The following SDK2 variants were observed in gnomAD, a reference collection of about 807,000 sequenced individuals.
SDK2 encodes the protein sidekick cell adhesion molecule 2.
SDK2 carries 105 observed loss-of-function variants against 253.9 expected under a neutral mutation model. The ratio of observed to expected loss-of-function variants is 0.41; its 90% CI spans 0.35 to 0.49. The LOEUF (loss-of-function observed/expected upper bound fraction) is 0.49, where lower values mean the gene tolerates loss of function less well. Among genes scored for constraint, SDK2 ranks in the 20% least tolerant of loss-of-function variants. The pLI is 0.06. For missense variants in SDK2, 2,608 were observed against 3,003.0 expected, an observed-to-expected ratio of 0.87 and a Z score of 3.07; for synonymous variants, 1,249 against 1,234.9, an observed-to-expected ratio of 1.01 and a Z score of -0.24.
chr17:73,398,945 G>A (rs948093533), intron 22 of SDK2, among the ~76,000 whole-genome samples: 5 of 152,162 alleles, frequency 3.3e-5, no homozygotes, highest in Non-Finnish European at 4.4e-5. Context: ...GGCACCCCCC[G>A]ACCCAGGAGG....
chr17:73,379,235 T>C lies in SDK2; in HGVS notation c.4922A>G (p.Asp1641Gly). The C allele has an allele frequency of 6.4e-7, 1 of 1,558,684 alleles. No individual in the cohort carries two copies. The highest frequency in any genetic ancestry group is 8.7e-7 in the Non-Finnish European group (1 of 1,150,892). Reference protein sequence around the residue: ...VVHGATATQLDVTWEPPPLDS... With the variant: ...VVHGATATQLGVTWEPPPLDS... ...CAGCGGAGGTGGCTCCCAAGTCACG[T>C]CCAGCTGTGTGGCCGTGGCGCCGTG... is the stretch of plus-strand genomic sequence containing the variant. Residue 1641 changes from aspartate to glycine, a missense_variant, in exon 36 of 45, where the codon GAC (aspartate) becomes GGC (glycine). Coordinates refer to ENST00000392650, the MANE Select transcript of SDK2 (RefSeq NM_001144952.2). This position sits in a 1 kb window ranked among gnomAD's most constrained non-coding sequence, Gnocchi z 4.5.
At position 73,398,522 on chromosome 17, in the gene SDK2, G is replaced by C. The variant is rs1348426647; in HGVS notation, c.3094-93C>G. The C allele has an allele frequency of 5.4e-6, 6 of 1,101,976 alleles. No homozygotes were observed. In the South Asian group the frequency reaches 7.0e-5, roughly 13 times the overall value. The allele number at this position is 1,101,976 out of a possible 1,614,324, so 68.3% of individuals were successfully genotyped here. A position where few individuals can be genotyped will look rare whatever the true frequency, so the allele number is the denominator to read the frequency against. ...TACAAGCCCTGCCAGGGAAGAAGTT[G>C]GTTCAGAACCCAGGGCTCATCTGGA... On this transcript the variant is annotated intron_variant, in intron 22 of 44. Coordinates refer to ENST00000392650, the MANE Select transcript of SDK2 (RefSeq NM_001144952.2).
At chr17:73,485,339 G>C (rs368230186) in intron 2 of SDK2, among the ~76,000 whole-genome samples, 1 of 152,180 alleles carries the variant, frequency 6.6e-6, no homozygotes, top group Non-Finnish European at 1.5e-5. Flanking sequence ...GGGAAGGCAA[G>C]GATGGTTGAA....
chr17:73,432,657 T>G (rs1599560808), intron 10 of SDK2, among the ~76,000 whole-genome samples: 13 of 118,186 alleles, frequency 1.1e-4, no homozygotes, highest in South Asian at 2.6e-4. Flanking sequence ...AGGTGGGGAG[T>G]GAAGGAGGTA....
chr17:73,492,672 C>T (rs2063814337), intron 2 of SDK2, among the ~76,000 whole-genome samples: 1 of 152,148 alleles, frequency 6.6e-6, no homozygotes, highest in Non-Finnish European at 1.5e-5. Context: ...CGGACTTGGG[C>T]GACCCTGGGA....
chr17:73,525,345 C>T (rs774987130), intron 1 of SDK2, among the ~76,000 whole-genome samples: 1 of 152,098 alleles, frequency 6.6e-6, no homozygotes, highest in East Asian at 1.9e-4. Flanking sequence ...GAGGGCAGGC[C>T]GGTAGCTAGG....
In SDK2 at chr17:73,443,342, T is replaced by TA. The variant is rs2063429808; in HGVS notation, c.614-2420dup. The stretch of plus-strand genomic sequence containing the variant: ...ATTGCAACAATATAAAAGCCTCATG[T>TA]AGGTGCCATAACGAGCGATCGGATT... On this transcript the variant is annotated intron_variant, in intron 5 of 44. Transcript: ENST00000392650. The surrounding 1 kb of genome is among the most constrained non-coding windows in gnomAD (Gnocchi z 4.6). 6.6e-6 allele frequency among the ~76,000 whole-genome samples: 1 copy of TA among 152,264 alleles called. No homozygotes were observed. Among genetic ancestry groups the TA allele is most frequent in the Non-Finnish European group, 1.5e-5 (1 of 68,046 alleles).
chr17:73,466,396 C>A (rs770720050), intron 3 of SDK2, among the ~76,000 whole-genome samples: 1 of 152,172 alleles, frequency 6.6e-6, no homozygotes, highest in Non-Finnish European at 1.5e-5. Flanking sequence ...CTTTGTTATA[C>A]AAACAATGAA....
chr17:73,594,151 T>G (rs906647328), intron 1 of SDK2, among the ~76,000 whole-genome samples: 11 of 152,044 alleles, frequency 7.2e-5, no homozygotes, highest in Admixed American at 6.5e-5. Flanking sequence ...AGCCAGCAGG[T>G]GGTTCACTCT....
intron 40 of SDK2, chr17:73,357,572 G>GC: frequency 3.9e-6 from 1 of 258,818 alleles, no homozygotes. Flanking sequence ...GTGGGGAGCA[G>GC]CCCCCCGACT....
At chr17:73,433,584 C>T (rs1201255301) in intron 10 of SDK2, 148 bp downstream of exon 10, 38 of 602,788 alleles carry the variant, frequency 6.3e-5, no homozygotes, top group Non-Finnish European at 9.1e-5. Context: ...CCACCGCGCC[C>T]GGCCGAGAGA....
At chr17:73,531,348 C>T (rs1279859329) in intron 1 of SDK2, among the ~76,000 whole-genome samples, 1 of 152,182 alleles carries the variant, frequency 6.6e-6, no homozygotes, top group African/African-American at 2.4e-5. Flanking sequence ...TACAGTCATC[C>T]AATCCAGAAA....
At position 73,467,949 on chromosome 17, in the gene SDK2, G is replaced by A. The variant is rs2063614496; in HGVS notation, c.331+4163C>T. The stretch of plus-strand genomic sequence containing the variant: ...CTGCTCCCCCTTCAGCCACTCCAAG[G>A]TGTCCTATTCCTTTGCCAGGGGCCT... On this transcript the variant is annotated intron_variant, in intron 3 of 44. Coordinates refer to ENST00000392650, the MANE Select transcript of SDK2 (RefSeq NM_001144952.2). The surrounding 1 kb of genome is among the most constrained non-coding windows in gnomAD (Gnocchi z 4.1). Among the ~76,000 whole-genome samples, 1 of 152,192 alleles carries A rather than the reference G, an allele frequency of 6.6e-6. No individual in the cohort carries two copies. The highest frequency in any genetic ancestry group is 1.5e-5 in the Non-Finnish European group (1 of 68,038).
chr17:73,643,957 T>TA lies in SDK2; in HGVS notation c.64+67_64+68insT. ...GGAGGTCACCGTGAGGCCGGCCAGC[T>TA]CCCGCCGCCCCTCCCCCGCCCACTC... On this transcript the variant is annotated intron_variant, in intron 1 of 44. Transcript: ENST00000392650. The surrounding 1 kb of genome is among the most constrained non-coding windows in gnomAD (Gnocchi z 6.9). The TA allele has an allele frequency of 3.9e-6, 4 of 1,019,996 alleles. No homozygotes were observed. Among genetic ancestry groups the TA allele is most frequent in the East Asian group, 2.7e-5 (1 of 37,508 alleles). The allele number at this position is 1,019,996 out of a possible 1,614,324, so 63.2% of individuals were successfully genotyped here.
intron 1 of SDK2, among the ~76,000 whole-genome samples, chr17:73,637,346 ATGGG>A (rs2143292592): frequency 6.6e-6 from 1 of 152,252 alleles, no homozygotes; most frequent in Non-Finnish European, 1.5e-5. Context: ...ACTCTAATGA[ATGGG>A]CTACAATCAG....
Position 73,587,898 on chromosome 17 carries a change from G to A in SDK2, c.64+56127C>T, listed in dbSNP as rs1419744371. 2.6e-5 allele frequency among the ~76,000 whole-genome samples: 4 copies of A among 152,094 alleles called. No individual in the cohort carries two copies. The East Asian group carries it at 7.7e-4, about 29-fold the overall frequency. On this transcript the variant is annotated intron_variant, in intron 1 of 44. Transcript: ENST00000392650. ...TGTTTACAATTCTTCACACCCTCAG[G>A]GAGGCATCTCTCTAAGAAACTCCCT...
chr17:73,600,357 C>G (rs1408362328), intron 1 of SDK2, among the ~76,000 whole-genome samples: 1 of 152,216 alleles, frequency 6.6e-6, no homozygotes, highest in Admixed American at 6.5e-5. Context: ...CCTGTTCGTG[C>G]TGCTAACAAG....
chr17:73,336,703 T>C lies in SDK2; in HGVS notation c.*1884A>G, dbSNP rs569440898. 4 of 153,070 alleles carry C rather than the reference T, an allele frequency of 2.6e-5. No individual in the cohort carries two copies. Among genetic ancestry groups the C allele is most frequent in the African/African-American group, 7.2e-5 (3 of 41,576 alleles). The allele number at this position is 153,070 out of a possible 1,614,324, so 9.5% of individuals were successfully genotyped here. ...TTGGCATGTTTCCCAAATCTCCTACTTGGGCTTCCTTGAACTCTGCTCACC... is the reference window on the plus strand; with the variant it reads ...TTGGCATGTTTCCCAAATCTCCTACCTGGGCTTCCTTGAACTCTGCTCACC... On this transcript the variant is annotated 3_prime_UTR_variant, in exon 45 of 45. Transcript: ENST00000392650.
chr17:73,577,468 G>A (rs1425604451), intron 1 of SDK2, among the ~76,000 whole-genome samples: 1 of 152,224 alleles, frequency 6.6e-6, no homozygotes, highest in African/African-American at 2.4e-5. Context: ...GTGGGGGAGA[G>A]AGGGTCCCCA....
Sources: gnomAD v4.1 joint callset for allele counts (sites outside exome capture counted in the v4.1 genomes callset) on GRCh38, gnomAD v4.1.1 for gene constraint, Gnocchi (gnomAD v3.1) non-coding constraint, MANE v1.5 for transcripts, NCBI Gene and HGNC (gene_info 2026-07-23, HGNC 2026-07-21) for gene names.